ASIC2: variants seen among roughly 807,000 people sequenced by gnomAD.
ASIC2 encodes acid-sensing ion channel 2.
A neutral mutation model predicts 57.3 loss-of-function variants in ASIC2; 25 were observed. That is an observed-to-expected ratio of 0.44 (90% CI 0.32 to 0.61). ASIC2 has a LOEUF of 0.61. Among genes scored for constraint, ASIC2 ranks in the 20% least tolerant of loss-of-function variants. ASIC2 has a pLI of 0.06. For missense variants in ASIC2, 641 were observed against 738.1 expected, an observed-to-expected ratio of 0.87 and a Z score of 1.52; for synonymous variants, 319 against 307.5, an observed-to-expected ratio of 1.04 and a Z score of -0.39.
At chr17:33,833,508 A>G (rs901197967) in intron 1 of ASIC2, among the ~76,000 whole-genome samples, 13 of 151,210 alleles carry the variant, frequency 8.6e-5, no homozygotes, top group Non-Finnish European at 1.2e-4. Flanking sequence ...GTGTGTGTGT[A>G]TGTGCGTGTG....
intron 1 of ASIC2, among the ~76,000 whole-genome samples, chr17:33,497,568 G>C (rs1405444577): frequency 6.6e-6 from 1 of 152,184 alleles, no homozygotes; most frequent in Admixed American, 6.5e-5. Context: ...AGAATGCAGA[G>C]AAGTCTAGTT....
chr17:33,288,799 T>C (rs145048747), intron 1 of ASIC2, among the ~76,000 whole-genome samples: 22 of 151,874 alleles, frequency 1.4e-4, no homozygotes, highest in African/African-American at 5.3e-4. Flanking sequence ...CTCCATTAGA[T>C]GATTTAGGAA....
At chr17:33,657,311 T>A (rs1907107700) in intron 1 of ASIC2, among the ~76,000 whole-genome samples, 1 of 152,188 alleles carries the variant, frequency 6.6e-6, no homozygotes, top group African/African-American at 2.4e-5. Context: ...TCTGGCTGGC[T>A]GGCAAGCAAA....
intron 1 of ASIC2, among the ~76,000 whole-genome samples, chr17:33,558,429 G>A (rs1915974026): frequency 6.6e-6 from 1 of 152,094 alleles, no homozygotes; most frequent in Non-Finnish European, 1.5e-5. Context: ...TTAGAGATTT[G>A]GTTTTATGCT....
At chr17:33,330,753 G>C (rs1001848846) in intron 1 of ASIC2, among the ~76,000 whole-genome samples, 13 of 152,026 alleles carry the variant, frequency 8.6e-5, no homozygotes, top group Non-Finnish European at 1.6e-4. Context: ...TTGTGGATGG[G>C]TTTATTCTAT....
At chr17:33,726,259 G>A (rs1909557881) in intron 1 of ASIC2, among the ~76,000 whole-genome samples, 1 of 152,128 alleles carries the variant, frequency 6.6e-6, no homozygotes. Flanking sequence ...TCCCAGTTGA[G>A]CCTCTAGGTG....
At chr17:33,395,023 T>C (rs1483063192) in intron 1 of ASIC2, among the ~76,000 whole-genome samples, 1 of 137,250 alleles carries the variant, frequency 7.3e-6, no homozygotes, top group East Asian at 2.6e-4. Context: ...CCACCATCCA[T>C]GCACATATCT....
At chr17:33,571,154 T>A (rs1254786522) in intron 1 of ASIC2, among the ~76,000 whole-genome samples, 2 of 152,158 alleles carry the variant, frequency 1.3e-5, no homozygotes, top group Non-Finnish European at 2.9e-5. Flanking sequence ...ACTTTAGAGA[T>A]GACATATAAC....
At chr17:33,084,913 G>A (rs1174702234) in intron 3 of ASIC2, among the ~76,000 whole-genome samples, 1 of 152,102 alleles carries the variant, frequency 6.6e-6, no homozygotes, top group Non-Finnish European at 1.5e-5. Context: ...GCAATCTTTG[G>A]ACTGGGTTGT....
intron 1 of ASIC2, among the ~76,000 whole-genome samples, chr17:34,067,302 T>C (rs1240652018): frequency 6.6e-6 from 1 of 152,056 alleles, no homozygotes; most frequent in Non-Finnish European, 1.5e-5. Context: ...ATGAAAGAAA[T>C]TGAAAAAAGA....
chr17:33,045,323 G>A (rs1598250873), intron 3 of ASIC2, among the ~76,000 whole-genome samples: 2 of 152,128 alleles, frequency 1.3e-5, no homozygotes, highest in South Asian at 4.1e-4. Context: ...TGTGCATGCC[G>A]ACGCACCATT....
At chr17:34,086,846 A>C (rs1198965726) in intron 1 of ASIC2, among the ~76,000 whole-genome samples, 1 of 152,152 alleles carries the variant, frequency 6.6e-6, no homozygotes, top group Admixed American at 6.5e-5. Flanking sequence ...GTTTTATCAG[A>C]GACTAGGACT....
At chr17:34,099,742 GAAA>G (rs1910771019) in intron 1 of ASIC2, among the ~76,000 whole-genome samples, 6 of 856 alleles carry the variant, frequency 7.0e-3, no homozygotes, top group East Asian at 0.037. Flanking sequence ...AGGAAAGAAA[GAAA>G]GAAAGAAAGA....
intron 1 of ASIC2, among the ~76,000 whole-genome samples, chr17:34,150,621 T>C (rs1189262651): frequency 1.3e-5 from 2 of 152,184 alleles, no homozygotes; most frequent in African/African-American, 4.8e-5. Context: ...TTCATGATTC[T>C]AATGCAAGAA....
At chr17:33,244,395 G>A (rs1253243714) in intron 1 of ASIC2, among the ~76,000 whole-genome samples, 6 of 152,228 alleles carry the variant, frequency 3.9e-5, no homozygotes, top group Non-Finnish European at 7.3e-5. Flanking sequence ...ACATCATTTG[G>A]TGATCTTTTT....
chr17:33,666,344 G>T (rs1907470581), intron 1 of ASIC2, among the ~76,000 whole-genome samples: 1 of 152,186 alleles, frequency 6.6e-6, no homozygotes, highest in Non-Finnish European at 1.5e-5. Context: ...AGTTTGGGGA[G>T]ATTTTGAGTG....
At chr17:33,989,130 TTTC>T (rs1355796515) in intron 1 of ASIC2, among the ~76,000 whole-genome samples, 2 of 152,136 alleles carry the variant, frequency 1.3e-5, no homozygotes, top group African/African-American at 4.8e-5. Context: ...TGAAGCCCTT[TTTC>T]TTGTTAGTGA....
chr17:33,763,020 C>T (rs1056165598), intron 1 of ASIC2, among the ~76,000 whole-genome samples: 1 of 152,122 alleles, frequency 6.6e-6, no homozygotes, highest in Admixed American at 6.5e-5. Context: ...AAAGGGAAGC[C>T]TACAGAGGAG....
chr17:34,080,438 T>TA (rs1435996942), intron 1 of ASIC2, among the ~76,000 whole-genome samples: 3 of 152,164 alleles, frequency 2.0e-5, no homozygotes. Context: ...GGAACAAACT[T>TA]AGAGCTGGTG....
Sources: allele counts gnomAD v4.1 joint callset (sites outside exome capture counted in the v4.1 genomes callset), GRCh38; gene constraint gnomAD v4.1.1; transcripts MANE v1.5; gene names NCBI Gene and HGNC (gene_info 2026-07-23, HGNC 2026-07-21).